Variants in PRDM1 observed in about 807,000 individuals in gnomAD.
PRDM1 encodes PR/SET domain 1.
Under a neutral mutation model 62.8 loss-of-function variants are expected in PRDM1, and 13 were observed. The ratio of observed to expected loss-of-function variants is 0.21; its 90% CI spans 0.13 to 0.33. PRDM1 has a LOEUF of 0.33. Among genes scored for constraint, PRDM1 ranks in the 10% least tolerant of loss-of-function variants. PRDM1 has a pLI of 1.00. For missense variants in PRDM1, 895 were observed against 1,058.8 expected, an observed-to-expected ratio of 0.85 and a Z score of 2.15; for synonymous variants, 396 against 417.6, an observed-to-expected ratio of 0.95 and a Z score of 0.63.
chr6:106,088,502 C>T, intron 2 of PRDM1, 53 bp downstream of exon 2: 3 of 1,607,826 alleles, frequency 1.9e-6, no homozygotes, highest in South Asian at 2.2e-5. Context: ...CCAAATCTCC[C>T]TACTTGCCCT....
chr6:106,049,915 G>C (rs1464925143), intron 1 of PRDM1, among the ~76,000 whole-genome samples: 2 of 152,090 alleles, frequency 1.3e-5, no homozygotes, highest in Non-Finnish European at 2.9e-5. Context: ...CCTGAATTTA[G>C]GCCATTGAGA....
chr6:106,105,409 C>G lies in PRDM1; in HGVS notation c.1249C>G (p.Pro417Ala), dbSNP rs1016891626. The G allele has an allele frequency of 6.2e-7, 1 of 1,614,208 alleles. No individual in the cohort carries two copies. The highest frequency in any genetic ancestry group is 8.5e-7 in the Non-Finnish European group (1 of 1,180,034). The change falls in exon 5 of 7, where the codon CCC (proline) becomes GCC (alanine). Residue 417 changes from proline (P) to alanine (A), a missense_variant. Transcript: ENST00000369096. Reference protein sequence around the residue: ...NAHYPKFLLPPYGMNCNGLSA... With the variant: ...NAHYPKFLLPAYGMNCNGLSA... ...TCACTACCCCAAGTTCCTCTTGCCC[C>G]CCTACGGCATGAATTGTAATGGCCT... is the stretch of plus-strand genomic sequence containing the variant.
intron 1 of PRDM1, among the ~76,000 whole-genome samples, chr6:106,010,603 C>G (rs1436712638): frequency 1.3e-5 from 2 of 152,102 alleles, no homozygotes; most frequent in Non-Finnish European, 2.9e-5. Context: ...GCTAATTGAC[C>G]TTATCACCTC....
intron 3 of PRDM1, 151 bp from the exon 4 acceptor site, chr6:106,099,149 G>A (rs1298290189): frequency 6.2e-7 from 1 of 1,607,398 alleles, no homozygotes. Flanking sequence ...GCTGATTCAA[G>A]ACTATTCTGG....
chr6:106,036,879 T>A (rs1424018824), intron 1 of PRDM1, among the ~76,000 whole-genome samples: 1 of 152,108 alleles, frequency 6.6e-6, no homozygotes, highest in East Asian at 1.9e-4. Context: ...AGTAGCACAA[T>A]CATAGCTCAC....
chr6:106,079,085 C>T (rs1413345442), intron 1 of PRDM1, among the ~76,000 whole-genome samples: 1 of 151,828 alleles, frequency 6.6e-6, no homozygotes, highest in Non-Finnish European at 1.5e-5. Context: ...CTCAGCCTCC[C>T]GAGTAGCTGG....
chr6:106,049,722 C>G (rs921943808), intron 1 of PRDM1, among the ~76,000 whole-genome samples: 1 of 152,204 alleles, frequency 6.6e-6, no homozygotes, highest in Non-Finnish European at 1.5e-5. Flanking sequence ...GTGCATTGTA[C>G]TATGCCAGAC....
At chr6:106,041,768 A>G (rs1331500064) in intron 1 of PRDM1, among the ~76,000 whole-genome samples, 1 of 151,186 alleles carries the variant, frequency 6.6e-6, no homozygotes, top group Middle Eastern at 3.2e-3. Flanking sequence ...ATCATTATCA[A>G]CCTGGTAACA....
intron 1 of PRDM1, among the ~76,000 whole-genome samples, chr6:105,998,019 T>G (rs916388473): frequency 6.6e-6 from 1 of 152,300 alleles, no homozygotes. Flanking sequence ...CTGTGTATGT[T>G]TAGTTGGTTT....
chr6:106,076,065 C>G (rs971093407), intron 1 of PRDM1, among the ~76,000 whole-genome samples: 1 of 152,004 alleles, frequency 6.6e-6, no homozygotes, highest in African/African-American at 2.4e-5. Context: ...CATCCTCCAA[C>G]CTCAGCCTCC....
chr6:106,063,045 C>T (rs73518711), intron 1 of PRDM1, among the ~76,000 whole-genome samples: 2,406 of 152,262 alleles, frequency 0.016, 74 homozygotes, highest in African/African-American at 0.055. Context: ...TTAGTCCTTT[C>T]GTTGTGTTGT....
At chr6:106,026,257 T>A (rs1772765799) in intron 1 of PRDM1, among the ~76,000 whole-genome samples, 1 of 152,146 alleles carries the variant, frequency 6.6e-6, no homozygotes, top group African/African-American at 2.4e-5. Context: ...GGCAGGAGGA[T>A]CACCTGAGGT....
At chr6:106,075,187 T>C (rs1773586892) in intron 1 of PRDM1, among the ~76,000 whole-genome samples, 1 of 152,208 alleles carries the variant, frequency 6.6e-6, no homozygotes, top group Non-Finnish European at 1.5e-5. Context: ...ATACCTTATA[T>C]TTTGAAATTT....
chr6:105,998,897 A>G lies in PRDM1; in HGVS notation c.-67+5258A>G, dbSNP rs111545252. On this transcript the variant is annotated intron_variant, in intron 1 of 6. Transcript: ENST00000652320. ...GATTTTTAAAAGTTAATACATATAT[A>G]TATATATATATATATATATATATAT... Among the ~76,000 whole-genome samples the G allele has an allele frequency of 6.2e-3, 21 of 3,388 alleles. No individual in the cohort carries two copies. The South Asian group carries it at 0.093, about 15-fold the overall frequency. The allele number at this position is 3,388 out of a possible 152,430, so 2.2% of individuals were successfully genotyped here. A position where few individuals can be genotyped will look rare whatever the true frequency, so the allele number is the denominator to read the frequency against.
chr6:106,045,362 T>A (rs553263072), upstream of PRDM1: 467 of 151,306 alleles, frequency 3.1e-3, 3 homozygotes, highest in African/African-American at 0.011. Context: ...AAAAAAAAAA[T>A]AGTTTCATAT....
chr6:106,062,764 C>T (rs1000897019), intron 1 of PRDM1, among the ~76,000 whole-genome samples: 8 of 152,122 alleles, frequency 5.3e-5, no homozygotes, highest in East Asian at 3.9e-4. Context: ...GGTTACTAAA[C>T]GGGAGGACTA....
intron 1 of PRDM1, among the ~76,000 whole-genome samples, chr6:106,049,021 G>T (rs1773126698): frequency 6.6e-6 from 1 of 152,128 alleles, no homozygotes; most frequent in Admixed American, 6.5e-5. Flanking sequence ...TTGTCATGTT[G>T]TTCAGGCTGG....
At chr6:106,021,900 G>T (rs748746073) in intron 1 of PRDM1, among the ~76,000 whole-genome samples, 1 of 152,216 alleles carries the variant, frequency 6.6e-6, no homozygotes, top group African/African-American at 2.4e-5. Flanking sequence ...GATTACAGGC[G>T]TGAGCCACCG....
At chr6:106,064,320 G>A (rs535865303) in intron 1 of PRDM1, among the ~76,000 whole-genome samples, 1 of 152,278 alleles carries the variant, frequency 6.6e-6, no homozygotes, top group East Asian at 1.9e-4. Context: ...GTGGACAGAC[G>A]AAATCCAGGC....
Sources: allele counts gnomAD v4.1 joint callset (sites outside exome capture counted in the v4.1 genomes callset), GRCh38; gene constraint gnomAD v4.1.1; transcripts MANE v1.5; gene names NCBI Gene and HGNC (gene_info 2026-07-23, HGNC 2026-07-21).